Variants in TMTC1 observed in about 807,000 individuals in gnomAD.
TMTC1 encodes the protein protein O-mannosyl-transferase TMTC1.
A neutral mutation model predicts 104.8 loss-of-function variants in TMTC1; 73 were observed. That is an observed-to-expected ratio of 0.70 (90% CI 0.58 to 0.85). TMTC1 has a LOEUF of 0.85. Among genes scored for constraint, TMTC1 ranks in the 40% least tolerant of loss-of-function variants. The probability of loss-of-function intolerance (pLI) is 0.00; values close to 1 mark genes in which losing one functional copy is unlikely to be tolerated. For missense variants in TMTC1, 1,035 were observed against 1,096.1 expected (o/e 0.94, Z 0.79); for synonymous variants, 434 against 428.7 (o/e 1.01, Z -0.15).
intron 5 of TMTC1, among the ~76,000 whole-genome samples, chr12:29,730,808 G>A (rs867667823): frequency 2.6e-5 from 4 of 152,146 alleles, no homozygotes; most frequent in Non-Finnish European, 5.9e-5. Flanking sequence ...GGTATAAAAC[G>A]GGAAGGAATC....
chr12:29,564,844 G>A (rs1472816549), intron 9 of TMTC1, among the ~76,000 whole-genome samples: 1 of 152,068 alleles, frequency 6.6e-6, no homozygotes, highest in Admixed American at 6.5e-5. Context: ...AAATATTAAT[G>A]GGAAAGTGCC....
chr12:29,744,221 AT>A (rs778769531), intron 5 of TMTC1, among the ~76,000 whole-genome samples: 1 of 152,216 alleles, frequency 6.6e-6, no homozygotes, highest in Non-Finnish European at 1.5e-5. Context: ...GGGATCAAAT[AT>A]TGCCAAGAAC....
chr12:29,660,729 T>C (rs1032968552), intron 5 of TMTC1: 1 of 471,884 alleles, frequency 2.1e-6, no homozygotes, highest in Admixed American at 4.6e-5. Flanking sequence ...GAATTACATG[T>C]CTGAGCTGAG....
chr12:29,745,126 C>T (rs2136954254), intron 5 of TMTC1, among the ~76,000 whole-genome samples: 1 of 152,166 alleles, frequency 6.6e-6, no homozygotes, highest in African/African-American at 2.4e-5. Context: ...CATTTCCTGC[C>T]ATTTCTGTCA....
intron 6 of TMTC1, among the ~76,000 whole-genome samples, chr12:29,617,283 C>CTTTGTCAAAGCACCCCACCCCA (rs1296824115): frequency 6.6e-6 from 1 of 151,998 alleles, no homozygotes; most frequent in Non-Finnish European, 1.5e-5. Flanking sequence ...CCCCAGTTTA[C>CTTTGTCAAAGCACCCCACCCCA]GTGCTTTGTC....
upstream of TMTC1, chr12:29,784,528 A>T (rs1437882585): frequency 6.6e-6 from 1 of 152,252 alleles, no homozygotes; most frequent in Non-Finnish European, 1.5e-5. Flanking sequence ...CCTCAAAGCC[A>T]GGAGAAGGGG....
intron 4 of TMTC1, among the ~76,000 whole-genome samples, chr12:29,754,617 G>A (rs961858277): frequency 6.6e-6 from 1 of 152,138 alleles, no homozygotes; most frequent in African/African-American, 2.4e-5. Context: ...CAGAGGATAC[G>A]GAGGAAAGGC....
intron 11 of TMTC1, among the ~76,000 whole-genome samples, chr12:29,524,638 T>C (rs1304071610): frequency 6.6e-6 from 1 of 152,208 alleles, no homozygotes; most frequent in Non-Finnish European, 1.5e-5. Flanking sequence ...ACTCCATGTT[T>C]AAACTTCACT....
At chr12:29,544,306 C>T (rs1267697461) in intron 10 of TMTC1, among the ~76,000 whole-genome samples, 1 of 151,904 alleles carries the variant, frequency 6.6e-6, no homozygotes, top group Non-Finnish European at 1.5e-5. Flanking sequence ...AAAAGTGGCA[C>T]TGGCCTAACA....
intron 8 of TMTC1, among the ~76,000 whole-genome samples, chr12:29,578,891 G>C (rs1053832001): frequency 1.3e-5 from 2 of 152,140 alleles, no homozygotes; most frequent in Admixed American, 1.3e-4. Flanking sequence ...ATTTTATAAT[G>C]CCACACACAG....
intron 5 of TMTC1, among the ~76,000 whole-genome samples, chr12:29,657,716 T>C (rs1939824872): frequency 6.6e-6 from 1 of 152,118 alleles, no homozygotes; most frequent in Admixed American, 6.6e-5. Flanking sequence ...AGAAATAACT[T>C]AAAAAGCATA....
At chr12:29,773,686 C>A (rs1356460831) in intron 1 of TMTC1, among the ~76,000 whole-genome samples, 1 of 152,096 alleles carries the variant, frequency 6.6e-6, no homozygotes, top group African/African-American at 2.4e-5. Flanking sequence ...CTACTTCATT[C>A]CTAGGGACAA....
At chr12:29,712,555 G>A (rs1034076297) in intron 5 of TMTC1, among the ~76,000 whole-genome samples, 25 of 152,154 alleles carry the variant, frequency 1.6e-4, no homozygotes, top group African/African-American at 6.0e-4. Flanking sequence ...TTCTTAAAAT[G>A]AAGAAAATTA....
At chr12:29,737,013 G>C (rs1344286248) in intron 5 of TMTC1, among the ~76,000 whole-genome samples, 3 of 152,240 alleles carry the variant, frequency 2.0e-5, no homozygotes, top group Non-Finnish European at 2.9e-5. Context: ...GCAACAGCTA[G>C]TTCACTGCTG....
chr12:29,544,104 C>T lies in TMTC1; in HGVS notation c.1677-7787G>A, dbSNP rs558187115. Among the ~76,000 whole-genome samples, 4 of 151,932 alleles carry T rather than the reference C, an allele frequency of 2.6e-5. 1 individual carries two copies. The highest frequency in any genetic ancestry group is 4.2e-4 in the South Asian group (2 of 4,808). On this transcript the variant is annotated intron_variant, in intron 10 of 17. Coordinates refer to ENST00000539277, the MANE Select transcript of TMTC1 (RefSeq NM_001193451.2). ...ACTAAAAATACAAAAATTAGCTGGG[C>T]GTGGTGGTGGCGCCTGTAATCCCAG...
chr12:29,621,891 C>G (rs2136462422), intron 6 of TMTC1, among the ~76,000 whole-genome samples: 1 of 152,240 alleles, frequency 6.6e-6, no homozygotes, highest in South Asian at 2.1e-4. Flanking sequence ...TCCATTTCCA[C>G]CAAGTTGTTG....
chr12:29,512,068 T>C lies in TMTC1; in HGVS notation c.2483A>G (p.Asn828Ser), dbSNP rs1363937253. Reference protein sequence around the residue: ...LNPDQAQAWMNMGGIQHIKGK... With the variant: ...LNPDQAQAWMSMGGIQHIKGK... Reference sequence around the variant, plus strand: ...CTTGATGTGTTGGATGCCACCCATGTTCATCCAGGCCTGTGCTTGGTCTGG... The same window carrying C: ...CTTGATGTGTTGGATGCCACCCATGCTCATCCAGGCCTGTGCTTGGTCTGG... The change falls in exon 17 of 18, where the codon AAC (asparagine) becomes AGC (serine). Residue 828 changes from asparagine (N) to serine (S), a missense_variant. By Grantham distance (46) the Asn-to-Ser change is conservative. Transcript: ENST00000539277. 6.2e-7 allele frequency: 1 copy of C among 1,614,114 alleles called. No individual in the cohort carries two copies. The highest frequency in any genetic ancestry group is 8.5e-7 in the Non-Finnish European group (1 of 1,179,978).
intron 1 of TMTC1, among the ~76,000 whole-genome samples, chr12:29,770,148 GA>G (rs753067492): frequency 3.7e-4 from 55 of 146,928 alleles, no homozygotes; most frequent in East Asian, 1.4e-3. Flanking sequence ...TCTTTAAAAA[GA>G]AAAAAAAAGG....
chr12:29,565,501 A>T (rs1450009124), intron 9 of TMTC1, among the ~76,000 whole-genome samples: 2 of 152,240 alleles, frequency 1.3e-5, no homozygotes, highest in Non-Finnish European at 2.9e-5. Context: ...TAGGTTTTAC[A>T]TTATACCTCA....
Sources: gnomAD v4.1 joint callset for allele counts (sites outside exome capture counted in the v4.1 genomes callset) on GRCh38, gnomAD v4.1.1 for gene constraint, MANE v1.5 for transcripts, NCBI Gene and HGNC (gene_info 2026-07-23, HGNC 2026-07-21) for gene names.